The following PIK3CD variants were observed in gnomAD, a reference collection of about 807,000 sequenced individuals.
PIK3CD encodes the protein phosphatidylinositol-4,5-bisphosphate 3-kinase catalytic subunit delta, also known as phosphatidylinositol 4,5-bisphosphate 3-kinase catalytic subunit delta isoform.
In PIK3CD, 20 loss-of-function variants were observed where a neutral mutation model predicts 122.9. That is an observed-to-expected ratio of 0.16 (90% CI 0.11 to 0.24). The LOEUF is 0.24. PIK3CD is among the 10% of genes least tolerant of loss of function. PIK3CD has a pLI of 1.00. For missense variants in PIK3CD, 787 were observed against 1,406.3 expected, an observed-to-expected ratio of 0.56 and a Z score of 7.04; for synonymous variants, 596 against 593.4, an observed-to-expected ratio of 1.00 and a Z score of -0.06.
chr1:9,675,997 T>A (rs928152242), intron 1 of PIK3CD, among the ~76,000 whole-genome samples: 1 of 150,288 alleles, frequency 6.7e-6, no homozygotes, highest in Admixed American at 6.6e-5. Context: ...AATGGCACAG[T>A]CTCGGCCCAC....
chr1:9,638,459 G>A, the PIK3CD span, among the ~76,000 whole-genome samples: 1 of 152,010 alleles, frequency 6.6e-6, no homozygotes, highest in African/African-American at 2.4e-5. Context: ...TAGGCCGGGA[G>A]CGGTGGCTCA....
the PIK3CD span, among the ~76,000 whole-genome samples, chr1:9,628,201 T>C: frequency 7.5e-4 from 113 of 151,400 alleles, 1 homozygote; most frequent in East Asian, 0.019. Context: ...ACTCGGGAGG[T>C]TGAGGCAGGA....
At chr1:9,726,874 C>G (rs929045551) in intron 23 of PIK3CD, 35 bp from the exon 24 acceptor site, 12 of 1,613,306 alleles carry the variant, frequency 7.4e-6, no homozygotes, top group Non-Finnish European at 1.0e-5. Flanking sequence ...GGTCCGGGCC[C>G]CCTTAACGTG....
chr1:9,669,986 CAA>C (rs1645273215), intron 1 of PIK3CD, among the ~76,000 whole-genome samples: 1 of 151,928 alleles, frequency 6.6e-6, no homozygotes, highest in African/African-American at 2.4e-5. Context: ...CCAGCCTGGC[CAA>C]CATGGTGAAA....
At position 9,724,534 on chromosome 1, in the gene PIK3CD, C is replaced by A; in HGVS notation, c.2864+113C>A. 8.2e-7 allele frequency: 1 copy of A among 1,221,866 alleles called. No individual in the cohort carries two copies. Among genetic ancestry groups the A allele is most frequent in the Non-Finnish European group, 1.2e-6 (1 of 842,742 alleles). The allele number at this position is 1,221,866 out of a possible 1,614,324, so 75.7% of individuals were successfully genotyped here. A position where few individuals can be genotyped will look rare whatever the true frequency, so the allele number is the denominator to read the frequency against. ...GCTCAGGTCTCAACCCCACACCTGG[C>A]CCCTCACCCCAACTGTTGATGGGTT... is the stretch of plus-strand genomic sequence containing the variant. On this transcript the variant is annotated intron_variant, in intron 22 of 23. Coordinates refer to ENST00000377346, the MANE Select transcript of PIK3CD (RefSeq NM_005026.5). This position sits in a 1 kb window ranked among gnomAD's most constrained non-coding sequence, Gnocchi z 7.3.
chr1:9,718,138 A>T lies in PIK3CD; in HGVS notation c.1020+512A>T. The T allele has an allele frequency of 2.2e-6, 1 of 463,104 alleles. No individual in the cohort carries two copies. Among genetic ancestry groups the T allele is most frequent in the Non-Finnish European group, 4.3e-6 (1 of 231,768 alleles). The allele number at this position is 463,104 out of a possible 1,614,324, so 28.7% of individuals were successfully genotyped here. The stretch of plus-strand genomic sequence containing the variant: ...GGCTTTATTGTCCTGTTTGCTGGAC[A>T]TGATACCTGAGTCCTCAGAGGTTGG... On this transcript the variant is annotated intron_variant, in intron 8 of 23. Transcript: ENST00000377346. The surrounding 1 kb of genome is among the most constrained non-coding windows in gnomAD (Gnocchi z 7.2).
At chr1:9,654,363 AG>A (rs781554914) in intron 1 of PIK3CD, 149 of 1,367,582 alleles carry the variant, frequency 1.1e-4, no homozygotes, top group Non-Finnish European at 1.4e-4. Context: ...TACCATGTTT[AG>A]CAAGTGTTTC....
At chr1:9,631,063 G>T in the PIK3CD span, among the ~76,000 whole-genome samples, 43 of 152,310 alleles carry the variant, frequency 2.8e-4, no homozygotes, top group Non-Finnish European at 5.0e-4. Context: ...TGACTTTACA[G>T]CAGAGATGCA....
rs900029947 is a variant in PIK3CD, at chr1:9,704,856, C to T, written c.-32-5568C>T. Among the ~76,000 whole-genome samples, 1 of 152,194 alleles carries T rather than the reference C, an allele frequency of 6.6e-6. No homozygotes were observed. The highest frequency in any genetic ancestry group is 2.4e-5 in the African/African-American group (1 of 41,452). On this transcript the variant is annotated intron_variant, in intron 2 of 23. Transcript: ENST00000377346. This position sits in a 1 kb window ranked among gnomAD's most constrained non-coding sequence, Gnocchi z 5.0. ...AACAAAAGGAAGACTTTGGCTTGGC[C>T]ATTCTCAGCAAGAGGAACCCAAAGT... is the stretch of plus-strand genomic sequence containing the variant.
rs1054834456 is a variant in PIK3CD at position 9,718,761 on chromosome 1, T to C, written c.1088T>C (p.Val363Ala). The C allele has an allele frequency of 3.7e-6, 6 of 1,608,482 alleles. No homozygotes were observed. Among genetic ancestry groups the C allele is most frequent in the Non-Finnish European group, 5.1e-6 (6 of 1,179,590 alleles). Residue 363 changes from valine (V) to alanine (A), a missense_variant, in exon 9 of 24, where the codon GTG (valine) becomes GCG (alanine). Val to Ala is a moderately conservative substitution (Grantham distance 64, BLOSUM62 0). Coordinates refer to ENST00000377346, the MANE Select transcript of PIK3CD (RefSeq NM_005026.5). The surrounding 1 kb of genome is among the most constrained non-coding windows in gnomAD (Gnocchi z 7.2). ...TGCAAGACGGTGTCCAGCTCGGAGG[T>C]GAGCGTGTGCTCGGAGCCCGTGTGG... ...MLCKTVSSSE[V>A]SVCSEPVWKQ...
chr1:9,639,223 C>T, the PIK3CD span, among the ~76,000 whole-genome samples: 1 of 151,974 alleles, frequency 6.6e-6, no homozygotes, highest in East Asian at 1.9e-4. Flanking sequence ...ATCTCTATTC[C>T]TTCTCATAGA....
the PIK3CD span, among the ~76,000 whole-genome samples, chr1:9,639,968 C>T: frequency 6.6e-6 from 1 of 151,916 alleles, no homozygotes; most frequent in Non-Finnish European, 1.5e-5. Context: ...TCTTGAACTC[C>T]TCAGTGTAGA....
intron 1 of PIK3CD, among the ~76,000 whole-genome samples, chr1:9,682,246 T>C (rs1040992156): frequency 6.6e-6 from 1 of 152,000 alleles, no homozygotes. Context: ...TATTTTTTAT[T>C]TTATTATTAG....
intron 2 of PIK3CD, among the ~76,000 whole-genome samples, chr1:9,709,099 G>A (rs999113105): frequency 1.3e-5 from 2 of 151,702 alleles, no homozygotes; most frequent in Admixed American, 6.6e-5. Flanking sequence ...GTGCGATCTC[G>A]GCTCACTGCA....
At chr1:9,650,224 C>A (rs956212692), upstream of PIK3CD, among the ~76,000 whole-genome samples, 1 of 152,020 alleles carries the variant, frequency 6.6e-6, no homozygotes, top group Non-Finnish European at 1.5e-5. Flanking sequence ...GAGTTCAAGA[C>A]CAGCCTGGTG....
At chr1:9,669,170 T>C (rs974522404) in intron 1 of PIK3CD, among the ~76,000 whole-genome samples, 1 of 152,150 alleles carries the variant, frequency 6.6e-6, no homozygotes, top group Non-Finnish European at 1.5e-5. Flanking sequence ...TATTTTTATT[T>C]CTAATTAACT....
intron 1 of PIK3CD, among the ~76,000 whole-genome samples, chr1:9,685,906 C>G (rs958969743): frequency 1.3e-5 from 2 of 152,176 alleles, no homozygotes; most frequent in African/African-American, 4.8e-5. Context: ...TGTCCCCACT[C>G]AGCAGTGGTG....
chr1:9,640,603 C>G, the PIK3CD span, among the ~76,000 whole-genome samples: 7 of 151,200 alleles, frequency 4.6e-5, no homozygotes, highest in Non-Finnish European at 8.8e-5. Context: ...AAAAAAGAAA[C>G]GAAAATCAAG....
intron 3 of PIK3CD, among the ~76,000 whole-genome samples, chr1:9,712,969 G>T (rs1647116795): frequency 6.6e-6 from 1 of 152,122 alleles, no homozygotes; most frequent in Non-Finnish European, 1.5e-5. Flanking sequence ...GTCACCTGAG[G>T]TCAGGAGTTT....
Sources: gnomAD v4.1 joint callset for allele counts (sites outside exome capture counted in the v4.1 genomes callset) on GRCh38, gnomAD v4.1.1 for gene constraint, Gnocchi (gnomAD v3.1) non-coding constraint, MANE v1.5 for transcripts, NCBI Gene and HGNC (gene_info 2026-07-23, HGNC 2026-07-21) for gene names.